Variants in DIAPH2 observed in about 807,000 individuals in gnomAD.
The protein encoded by DIAPH2 is diaphanous related formin 2, also known as protein diaphanous homolog 2.
In DIAPH2, 35 loss-of-function variants were observed where a neutral mutation model predicts 92.7. The ratio of observed to expected loss-of-function variants is 0.38; its 90% CI spans 0.29 to 0.50. The LOEUF (loss-of-function observed/expected upper bound fraction) is 0.50. Ranked by LOEUF, DIAPH2 falls within the 20% of genes least tolerant of loss-of-function variation. DIAPH2 has a pLI of 0.94. For synonymous variants in DIAPH2, 301 were observed against 280.4 expected (o/e 1.07, Z -0.73); for missense variants, 701 against 819.5 (o/e 0.86, Z 1.77).
chrX:97,264,433 A>G (rs1489417680), intron 23 of DIAPH2, among the ~76,000 whole-genome samples: 1 of 110,609 alleles, frequency 9.0e-6, no homozygotes, highest in Non-Finnish European at 1.9e-5. Context: ...ATAGACACAC[A>G]GACACACACA....
chrX:97,358,182 G>A (rs1363094408), intron 24 of DIAPH2, among the ~76,000 whole-genome samples: 1 of 112,028 alleles, frequency 8.9e-6, no homozygotes, highest in Non-Finnish European at 1.9e-5. Flanking sequence ...CTGAGCAATA[G>A]GACAATTGAT....
chrX:97,549,180 G>A (rs771843204), intron 26 of DIAPH2, among the ~76,000 whole-genome samples: 16 of 111,967 alleles, frequency 1.4e-4, no homozygotes, highest in Non-Finnish European at 3.0e-4. Flanking sequence ...TTGCTAAATA[G>A]CTTCAGCATT....
chrX:96,754,923 CAAAAAAA>C (rs1007573600), intron 3 of DIAPH2, among the ~76,000 whole-genome samples: 30 of 15,994 alleles, frequency 1.9e-3, no homozygotes, highest in East Asian at 7.3e-3. Context: ...GTCTCCACCT[CAAAAAAA>C]AAAAAAAAAA....
intron 17 of DIAPH2, among the ~76,000 whole-genome samples, chrX:97,040,172 AG>A (rs1309146811): frequency 9.7e-6 from 1 of 102,906 alleles, no homozygotes; most frequent in African/African-American, 3.5e-5. Flanking sequence ...CCTACCCTTG[AG>A]GGTTTTTTTT....
At chrX:97,352,712 A>C (rs2069228540) in intron 24 of DIAPH2, among the ~76,000 whole-genome samples, 1 of 106,814 alleles carries the variant, frequency 9.4e-6, no homozygotes, top group African/African-American at 3.4e-5. Flanking sequence ...TACTAAAAAT[A>C]CAAAAAAATT....
At chrX:97,255,327 C>T (rs868065464) in intron 23 of DIAPH2, among the ~76,000 whole-genome samples, 16 of 111,944 alleles carry the variant, frequency 1.4e-4, no homozygotes, top group South Asian at 7.5e-4. Context: ...ACCATCTCCT[C>T]CAGAAAGCCT....
chrX:97,006,192 C>T (rs150876268), intron 17 of DIAPH2, among the ~76,000 whole-genome samples: 5 of 111,178 alleles, frequency 4.5e-5, no homozygotes, highest in East Asian at 2.8e-4. Flanking sequence ...CGTTTTAAGA[C>T]GTGTTTTGTG....
At chrX:96,881,466 G>C in intron 4 of DIAPH2, 113 bp from the exon 5 acceptor site, 1 of 572,954 alleles carries the variant, frequency 1.7e-6, no homozygotes, top group African/African-American at 2.3e-5. Flanking sequence ...GAATTTTTAA[G>C]TGTGTAGCAC....
At chrX:97,385,135 A>C (rs1243599500) in intron 25 of DIAPH2, among the ~76,000 whole-genome samples, 2 of 111,892 alleles carry the variant, frequency 1.8e-5, no homozygotes, top group Non-Finnish European at 3.8e-5. Context: ...AATATGATTA[A>C]TATGGACCAT....
intron 24 of DIAPH2, among the ~76,000 whole-genome samples, chrX:97,377,693 A>T (rs1474892611): frequency 9.0e-6 from 1 of 111,663 alleles, no homozygotes; most frequent in Non-Finnish European, 1.9e-5. Flanking sequence ...GTTCATTATG[A>T]TATGCTGTTT....
intron 1 of DIAPH2, among the ~76,000 whole-genome samples, chrX:96,716,662 T>C (rs1164825547): frequency 9.0e-6 from 1 of 111,119 alleles, no homozygotes; most frequent in African/African-American, 3.3e-5. Flanking sequence ...AACTGAGAAT[T>C]AGTTTGCATT....
At chrX:96,982,234 C>G (rs1256096203) in intron 17 of DIAPH2, among the ~76,000 whole-genome samples, 1 of 111,896 alleles carries the variant, frequency 8.9e-6, no homozygotes, top group African/African-American at 3.2e-5. Context: ...TCCTCTTGTT[C>G]TTTGTCATCT....
chrX:96,831,051 G>A (rs780412801), intron 4 of DIAPH2, among the ~76,000 whole-genome samples: 1 of 111,993 alleles, frequency 8.9e-6, no homozygotes, highest in East Asian at 2.8e-4. Context: ...GGCTTAGTGT[G>A]CTCCAACCAC....
At chrX:97,136,307 G>A (rs151208134) in intron 21 of DIAPH2, among the ~76,000 whole-genome samples, 1,207 of 111,771 alleles carry the variant, frequency 0.011, 18 homozygotes, top group African/African-American at 0.036. Flanking sequence ...AAACATGTCT[G>A]TGAACATAGG....
At chrX:97,351,131 C>T (rs2069208464) in intron 24 of DIAPH2, among the ~76,000 whole-genome samples, 2 of 112,268 alleles carry the variant, frequency 1.8e-5, no homozygotes, top group African/African-American at 3.2e-5. Context: ...AGGTGTGCAA[C>T]GTATTAACTG....
chrX:96,965,035 T>A, intron 16 of DIAPH2, 58 bp from the exon 17 acceptor site: 1 of 1,097,250 alleles, frequency 9.1e-7, no homozygotes, highest in Non-Finnish European at 1.2e-6. Context: ...GTTAGTTCCT[T>A]GAAAATTTAA....
intron 26 of DIAPH2, among the ~76,000 whole-genome samples, chrX:97,596,273 G>T (rs1033922655): frequency 3.6e-5 from 4 of 111,618 alleles, no homozygotes; most frequent in Non-Finnish European, 7.5e-5. Flanking sequence ...CTCCAATCAA[G>T]CGTGTTTTTC....
At chrX:97,500,955 C>T (rs1416087554) in intron 26 of DIAPH2, among the ~76,000 whole-genome samples, 3 of 108,509 alleles carry the variant, frequency 2.8e-5, no homozygotes, top group Non-Finnish European at 5.7e-5. Context: ...TTTATTCCAA[C>T]CTTCCATTTT....
intron 22 of DIAPH2, among the ~76,000 whole-genome samples, chrX:97,153,219 T>C (rs1315815575): frequency 8.9e-6 from 1 of 111,995 alleles, no homozygotes; most frequent in Non-Finnish European, 1.9e-5. Context: ...AAAATTATTA[T>C]TCAAGCTAGT....
Sources: allele counts gnomAD v4.1 joint callset (sites outside exome capture counted in the v4.1 genomes callset), GRCh38; gene constraint gnomAD v4.1.1; transcripts MANE v1.5; gene names NCBI Gene and HGNC (gene_info 2026-07-23, HGNC 2026-07-21).